The following CC2D1B variants were observed in gnomAD, a reference collection of about 807,000 sequenced individuals.
CC2D1B encodes coiled-coil and C2 domain containing 1B, also known as coiled-coil and C2 domain-containing protein 1B.
A neutral mutation model predicts 110.8 loss-of-function variants in CC2D1B; 92 were observed. The observed-to-expected ratio is 0.83, with a 90% CI of 0.70 to 0.99. CC2D1B has a LOEUF of 0.99. Among genes scored for constraint, CC2D1B ranks in the 50% least tolerant of loss-of-function variants. CC2D1B has a pLI of 0.00. For missense variants in CC2D1B, 1,136 were observed against 1,089.0 expected (o/e 1.04, Z -0.61); for synonymous variants, 406 against 429.2 (o/e 0.95, Z 0.67).
In CC2D1B at chr1:52,356,309, G is replaced by C. The variant is rs369483476; in HGVS notation, c.1938-7C>G. On this transcript the variant is annotated splice_polypyrimidine_tract_variant and splice_region_variant and intron_variant, in intron 17 of 24. Coordinates refer to ENST00000284376, the MANE Select transcript of CC2D1B (RefSeq NM_001330585.2). ...CTGAGCAAGCTTCTCAAATCTGACAGGGATGGGTATGTCAGCATGATGGTG... is the reference window on the plus strand; with the variant it reads ...CTGAGCAAGCTTCTCAAATCTGACACGGATGGGTATGTCAGCATGATGGTG... 7.1e-5 allele frequency: 114 copies of C among 1,613,864 alleles called. No homozygotes were observed. Among genetic ancestry groups the C allele is most frequent in the Admixed American group, 2.0e-4 (12 of 60,006 alleles).
intron 16 of CC2D1B, 79 bp downstream of exon 16, chr1:52,356,922 G>A (rs1400629104): frequency 1.4e-6 from 2 of 1,464,478 alleles, no homozygotes; most frequent in Non-Finnish European, 1.8e-6. Context: ...GTCCAGGGCT[G>A]TGTGGTCTGA....
At chr1:52,359,225 C>T in intron 10 of CC2D1B, 25 bp downstream of exon 10, 1 of 1,611,074 alleles carries the variant, frequency 6.2e-7, no homozygotes, top group Non-Finnish European at 8.5e-7. Context: ...GGTCCCCACG[C>T]CACAGTCCCA....
At chr1:52,355,978 C>A (rs1569835304) in intron 18 of CC2D1B, 134 bp from the exon 19 acceptor site, 1 of 977,324 alleles carries the variant, frequency 1.0e-6, no homozygotes, top group Non-Finnish European at 1.6e-6. Flanking sequence ...AGACCTTGAT[C>A]TCTGACTTCT....
In CC2D1B at chr1:52,362,662, G is replaced by C; in HGVS notation, c.154C>G (p.Leu52Val). The change falls in exon 3 of 25, where the codon CTG (leucine) becomes GTG (valine). Residue 52 changes from leucine to valine, a missense_variant. Physicochemically the swap from Leu to Val is conservative, Grantham distance 32 (BLOSUM62 1). Transcript: ENST00000284376. ...AEDDEDLEAE[L>V]LALTGEAQTT... ...TGTGCTTCCCCTGTGAGAGCCAGCA[G>C]CTCAGCCTCCAGGTCCTCATCATCT... 6.2e-7 allele frequency: 1 copy of C among 1,614,194 alleles called. No homozygotes were observed. Among genetic ancestry groups the C allele is most frequent in the Non-Finnish European group, 8.5e-7 (1 of 1,180,034 alleles).
Position 52,359,097 on chromosome 1 carries a change from C to G in CC2D1B, c.1187G>C (p.Arg396Pro). ...ACTCCGGGCCTGGATGCCCGCCTCGCGGTACTTGTTCAGCCTCTGCTGCAG... is the reference window on the plus strand; with the variant it reads ...ACTCCGGGCCTGGATGCCCGCCTCGGGGTACTTGTTCAGCCTCTGCTGCAG... ...DALQQRLNKY[R>P]EAGIQARSGG... The change falls in exon 11 of 25, where the codon CGC becomes CCC. Residue 396 changes from arginine to proline, a missense_variant. Physicochemically the swap from Arg to Pro is moderately radical, Grantham distance 103. Transcript: ENST00000284376. 6.2e-7 allele frequency: 1 copy of G among 1,610,236 alleles called. No individual in the cohort carries two copies. Among genetic ancestry groups the G allele is most frequent in the South Asian group, 1.1e-5 (1 of 91,086 alleles).
At chr1:52,358,528 C>A (rs1646705161) in intron 12 of CC2D1B, 67 bp from the exon 13 acceptor site, 2 of 1,608,086 alleles carry the variant, frequency 1.2e-6, no homozygotes, top group East Asian at 4.5e-5. Flanking sequence ...CTACCCGGGG[C>A]CCTGTCTGGG....
intron 24 of CC2D1B, 109 bp from the exon 25 acceptor site, chr1:52,353,332 G>A (rs1360208151): frequency 1.4e-6 from 2 of 1,480,836 alleles, no homozygotes; most frequent in Admixed American, 2.5e-5. Context: ...GTTAAACCTT[G>A]GAAGGTTACC....
chr1:52,362,734 T>C lies in CC2D1B; in HGVS notation c.82A>G (p.Met28Val), dbSNP rs1164184665. ...VAAAKQMGLF[M>V]EFGPEDMLLG... Reference sequence around the variant, plus strand: ...AGCATGTCCTCAGGGCCAAACTCCATAAAGAGCCCCATCTGAGAGCAGAGC... The same window carrying C: ...AGCATGTCCTCAGGGCCAAACTCCACAAAGAGCCCCATCTGAGAGCAGAGC... The change falls in exon 3 of 25, where the codon ATG (methionine) becomes GTG (valine). Residue 28 changes from methionine (M) to valine (V), a missense_variant. Transcript: ENST00000284376. 2 of 1,613,774 alleles carry C rather than the reference T, an allele frequency of 1.2e-6. No individual in the cohort carries two copies.
In CC2D1B at chr1:52,351,068, T is replaced by A. The variant is rs1238076473; in HGVS notation, c.*2157A>T. ...CGCCTGTTTCCTGTATGTGGATAAA[T>A]CTCAGGACAAGATGAAGCTGGGACA... On this transcript the variant is annotated 3_prime_UTR_variant, in exon 25 of 25. Coordinates refer to ENST00000284376, the MANE Select transcript of CC2D1B (RefSeq NM_001330585.2). 1 of 152,162 alleles carries A rather than the reference T, an allele frequency of 6.6e-6. No homozygotes were observed. Among genetic ancestry groups the A allele is most frequent in the Non-Finnish European group, 1.5e-5 (1 of 68,034 alleles). 9.4% of individuals were successfully genotyped at this position (152,162 alleles called of 1,614,324 possible).
chr1:52,359,341 C>G lies in CC2D1B; in HGVS notation c.1035G>C (p.Gln345His). The change falls in exon 10 of 25, where the codon CAG becomes CAC. Residue 345 changes from glutamine (Q) to histidine (H), a missense_variant. Gln to His is a conservative substitution (Grantham distance 24). Transcript: ENST00000284376. ...AGGGTGCTGTGGGAGCCTGAGAAGCCTGCTGGGGCTTCAGATCTGGGGGAC... is the reference window on the plus strand; with the variant it reads ...AGGGTGCTGTGGGAGCCTGAGAAGCGTGCTGGGGCTTCAGATCTGGGGGAC... ...PPAPEDLKPQQASQAPTAPSV... is the reference protein window; with the variant it reads ...PPAPEDLKPQHASQAPTAPSV... The G allele has an allele frequency of 6.2e-7, 1 of 1,613,470 alleles. No individual in the cohort carries two copies. Among genetic ancestry groups the G allele is most frequent in the Non-Finnish European group, 8.5e-7 (1 of 1,179,838 alleles).
intron 7 of CC2D1B, 34 bp from the exon 8 acceptor site, chr1:52,359,917 T>C: frequency 3.8e-6 from 6 of 1,595,622 alleles, no homozygotes; most frequent in Non-Finnish European, 5.1e-6. Flanking sequence ...AGAGAGCACA[T>C]GAGGGTCACA....
Position 52,366,115 on chromosome 1 carries a change from CGCCCTGGGCTCCCGCGG to C in CC2D1B, c.-78_-62del, listed in dbSNP as rs1244718589. 6.6e-6 allele frequency: 1 copy of C among 152,296 alleles called. No individual in the cohort carries two copies. Among genetic ancestry groups the C allele is most frequent in the African/African-American group, 2.4e-5 (1 of 41,464 alleles). 9.4% of individuals were successfully genotyped at this position (152,296 alleles called of 1,614,324 possible). ...ACCCCGGCCTTGTCTCACCCGGCAC[CGCCCTGGGCTCCCGCGG>C]GCCCTGGGCCGCAGCGGTAGCGACA... On this transcript the variant is annotated 5_prime_UTR_variant, in exon 1 of 25. Transcript: ENST00000284376.
chr1:52,360,393 C>A, intron 6 of CC2D1B, 31 bp downstream of exon 6: 4 of 1,610,774 alleles, frequency 2.5e-6, no homozygotes, highest in Non-Finnish European at 3.4e-6. Flanking sequence ...AGCCCCCTCC[C>A]CTGCCCTGCT....
intron 3 of CC2D1B, among the ~76,000 whole-genome samples, chr1:52,361,817 C>T (rs1646788215): frequency 1.3e-5 from 2 of 152,202 alleles, no homozygotes; most frequent in African/African-American, 4.8e-5. Flanking sequence ...CACCAAGCAA[C>T]AAGCTGCTCC....
At chr1:52,355,473 C>A (rs1285292288) in intron 20 of CC2D1B, 24 bp from the exon 21 acceptor site, 1 of 1,614,068 alleles carries the variant, frequency 6.2e-7, no homozygotes, top group South Asian at 1.1e-5. Flanking sequence ...AGGGAGAAGT[C>A]AGGACAGCGT....
At chr1:52,356,951 C>G (rs771367768) in intron 16 of CC2D1B, 50 bp downstream of exon 16, 1 of 1,523,248 alleles carries the variant, frequency 6.6e-7, no homozygotes, top group Non-Finnish European at 8.8e-7. Context: ...TCTTCCTCCA[C>G]GGGGAGGCTG....
intron 3 of CC2D1B, among the ~76,000 whole-genome samples, chr1:52,362,372 C>A (rs532937484): frequency 2.0e-5 from 3 of 152,188 alleles, no homozygotes; most frequent in African/African-American, 7.2e-5. Context: ...AGGATGGGGA[C>A]CTGAGTCAGT....
chr1:52,359,626 A>G (rs1452067048), intron 8 of CC2D1B, 79 bp downstream of exon 8: 1 of 1,556,582 alleles, frequency 6.4e-7, no homozygotes, highest in Non-Finnish European at 8.7e-7. Flanking sequence ...ATCTCACTCA[A>G]TCTCAGTCTA....
At chr1:52,364,509 A>G (rs749320693) in intron 2 of CC2D1B, 43 bp downstream of exon 2, 6 of 1,431,318 alleles carry the variant, frequency 4.2e-6, no homozygotes, top group Non-Finnish European at 5.8e-6. Context: ...AGGGACCCCC[A>G]TCCCCAAACC....
Sources: gnomAD v4.1 joint callset for allele counts (sites outside exome capture counted in the v4.1 genomes callset) on GRCh38, gnomAD v4.1.1 for gene constraint, MANE v1.5 for transcripts, NCBI Gene and HGNC (gene_info 2026-07-23, HGNC 2026-07-21) for gene names.